Variants in STAU1 observed in about 807,000 individuals in gnomAD.
STAU1 encodes the protein double-stranded RNA-binding protein Staufen homolog 1.
STAU1 carries 13 observed loss-of-function variants against 62.9 expected under a neutral mutation model. The observed-to-expected ratio is 0.21, with a 90% CI of 0.13 to 0.33. STAU1 has a LOEUF of 0.33. STAU1 is among the 10% of genes least tolerant of loss of function. STAU1 has a pLI of 1.00. For missense variants in STAU1, 571 were observed against 712.1 expected (o/e 0.80, Z 2.25); for synonymous variants, 269 against 265.1 (o/e 1.01, Z -0.14).
At chr20:49,158,744 A>G (rs1159250041) in intron 3 of STAU1, among the ~76,000 whole-genome samples, 1 of 151,882 alleles carries the variant, frequency 6.6e-6, no homozygotes, top group Non-Finnish European at 1.5e-5. Flanking sequence ...CGGGAGGCAG[A>G]GGTTGCAGTG....
At chr20:49,190,281 G>A (rs753625634), upstream of STAU1, among the ~76,000 whole-genome samples, 2 of 151,848 alleles carry the variant, frequency 1.3e-5, no homozygotes, top group Non-Finnish European at 2.9e-5. Context: ...TCCTCCTTCC[G>A]CATCTTTTTT....
the STAU1 span, among the ~76,000 whole-genome samples, chr20:49,193,397 G>A: frequency 3.9e-5 from 6 of 152,146 alleles, no homozygotes; most frequent in East Asian, 1.2e-3. Context: ...AAAAAGGCCG[G>A]GCCGGTAGCT....
the STAU1 span, among the ~76,000 whole-genome samples, chr20:49,208,210 C>A: frequency 1.6e-4 from 25 of 152,224 alleles, no homozygotes; most frequent in African/African-American, 6.0e-4. Flanking sequence ...CAGGCATATA[C>A]CACCAAGCCC....
intron 4 of STAU1, among the ~76,000 whole-genome samples, chr20:49,152,673 T>C (rs1460250359): frequency 6.6e-6 from 1 of 152,104 alleles, no homozygotes; most frequent in East Asian, 1.9e-4. Context: ...AGCAGAAGAT[T>C]TTTAATCCAT....
chr20:49,114,998 A>T, intron 13 of STAU1, 105 bp from the exon 14 acceptor site: 1 of 1,199,464 alleles, frequency 8.3e-7, no homozygotes, highest in Non-Finnish European at 1.2e-6. Context: ...GTACAATACT[A>T]AAAGCCCCAG....
the STAU1 span, among the ~76,000 whole-genome samples, chr20:49,206,149 A>ATT: frequency 5.0e-4 from 68 of 136,580 alleles, no homozygotes; most frequent in Middle Eastern, 3.9e-3. Context: ...CGCCCAGCTG[A>ATT]TTTTTTTTTT....
intron 1 of STAU1, among the ~76,000 whole-genome samples, chr20:49,183,513 C>A (rs189118897): frequency 6.6e-6 from 1 of 152,190 alleles, no homozygotes. Flanking sequence ...AAAAGATACC[C>A]TTTTCATGAA....
intron 5 of STAU1, among the ~76,000 whole-genome samples, 163 bp downstream of exon 5, chr20:49,151,419 T>TA (rs1454390082): frequency 6.6e-6 from 1 of 151,870 alleles, no homozygotes; most frequent in Non-Finnish European, 1.5e-5. Context: ...AAAAAAGGAG[T>TA]AAAAAGCAAG....
Position 49,117,683 on chromosome 20 carries a change from G to GA in STAU1, c.1509+93dup, listed in dbSNP as rs1257358498. On this transcript the variant is annotated intron_variant, in intron 11 of 13. Transcript: ENST00000371856. This position sits in a 1 kb window ranked among gnomAD's most constrained non-coding sequence, Gnocchi z 4.6. ...CATCCCTGGACAGAACTTGATTTAA[G>GA]AAAAAAGTACAAAGTTCAAAGTTCA... 8.8e-6 allele frequency: 12 copies of GA among 1,363,634 alleles called. No homozygotes were observed. The Admixed American group carries it at 2.2e-4, about 25-fold the overall frequency. The allele number at this position is 1,363,634 out of a possible 1,614,324, so 84.5% of individuals were successfully genotyped here.
chr20:49,143,548 G>A (rs142024247), intron 5 of STAU1, among the ~76,000 whole-genome samples: 1 of 152,266 alleles, frequency 6.6e-6, no homozygotes, highest in East Asian at 1.9e-4. Flanking sequence ...AGCCACAATC[G>A]TGCCACTGCA....
At chr20:49,218,416 G>A in the STAU1 span, among the ~76,000 whole-genome samples, 1 of 151,292 alleles carries the variant, frequency 6.6e-6, no homozygotes, top group African/African-American at 2.4e-5. Flanking sequence ...TAGTAGAGAC[G>A]GGGTTTCACC....
chr20:49,158,429 C>A, intron 3 of STAU1: 7 of 1,304,742 alleles, frequency 5.4e-6, no homozygotes, highest in Non-Finnish European at 7.1e-6. Context: ...AGGGGTGAGG[C>A]AACTTGCCTT....
the STAU1 span, among the ~76,000 whole-genome samples, chr20:49,202,630 T>G: frequency 6.6e-6 from 1 of 151,704 alleles, no homozygotes; most frequent in Non-Finnish European, 1.5e-5. Flanking sequence ...TACCTGTATT[T>G]CTAGCACTTT....
At chr20:49,149,921 G>C in intron 5 of STAU1, among the ~76,000 whole-genome samples, 1 of 152,206 alleles carries the variant, frequency 6.6e-6, no homozygotes, top group Non-Finnish European at 1.5e-5. Context: ...TCATCACATA[G>C]CCCACTGTTC....
chr20:49,218,917 G>T, the STAU1 span, among the ~76,000 whole-genome samples: 1 of 149,640 alleles, frequency 6.7e-6, no homozygotes, highest in African/African-American at 2.5e-5. Flanking sequence ...TCAGAAGGCT[G>T]AGGCGGGAGG....
chr20:49,114,522 G>A lies in STAU1; in HGVS notation c.*356C>T, dbSNP rs889673338. On this transcript the variant is annotated 3_prime_UTR_variant, in exon 14 of 14. Coordinates refer to ENST00000371856, the MANE Select transcript of STAU1 (RefSeq NM_017453.4). ...AGCCAGCTTGAGAAGGGGTCGTGCC[G>A]TTTCTTCTTTCACACAGGGGAAAAA... 12 of 259,876 alleles carry A rather than the reference G, an allele frequency of 4.6e-5. No individual in the cohort carries two copies. The highest frequency in any genetic ancestry group is 7.4e-5 in the Non-Finnish European group (10 of 135,042). 16.1% of individuals were successfully genotyped at this position (259,876 alleles called of 1,614,324 possible).
At chr20:49,204,981 TA>T in the STAU1 span, among the ~76,000 whole-genome samples, 7 of 150,930 alleles carry the variant, frequency 4.6e-5, no homozygotes, top group Admixed American at 2.0e-4. Context: ...CCCACTGTCA[TA>T]AAAAAAAATT....
the STAU1 span, among the ~76,000 whole-genome samples, chr20:49,202,393 C>A: frequency 1.3e-5 from 2 of 151,562 alleles, no homozygotes; most frequent in Admixed American, 1.3e-4. Flanking sequence ...AAAACTCGAT[C>A]TCTACTTAAA....
At chr20:49,180,067 T>C (rs752624270) in intron 1 of STAU1, among the ~76,000 whole-genome samples, 6 of 152,142 alleles carry the variant, frequency 3.9e-5, no homozygotes, top group Non-Finnish European at 7.3e-5. Flanking sequence ...CTGATTCAGA[T>C]CACCGTTTCA....
Sources: gnomAD v4.1 joint callset for allele counts (sites outside exome capture counted in the v4.1 genomes callset) on GRCh38, gnomAD v4.1.1 for gene constraint, Gnocchi (gnomAD v3.1) non-coding constraint, MANE v1.5 for transcripts, NCBI Gene and HGNC (gene_info 2026-07-23, HGNC 2026-07-21) for gene names.